The following SLC16A7 variants were observed in gnomAD, a reference collection of about 807,000 sequenced individuals.
The protein encoded by SLC16A7 is monocarboxylate transporter 2.
In SLC16A7, 33 loss-of-function variants were observed where a neutral mutation model predicts 34.9. The observed-to-expected ratio is 0.94, with a 90% confidence interval of 0.72 to 1.26. The LOEUF (loss-of-function observed/expected upper bound fraction) is 1.26, where lower values mean the gene tolerates loss of function less well. SLC16A7 is among the 50% of genes most tolerant of loss of function. The pLI is 0.00. For synonymous variants in SLC16A7, 201 were observed against 206.6 expected (o/e 0.97, Z 0.23); for missense variants, 573 against 578.1 (o/e 0.99, Z 0.09).
At chr12:59,777,019 A>G (rs1882825218) in intron 5 of SLC16A7, among the ~76,000 whole-genome samples, 1 of 152,194 alleles carries the variant, frequency 6.6e-6, no homozygotes, top group Non-Finnish European at 1.5e-5. Context: ...GTTACCATGC[A>G]TGAGGGGATG....
chr12:59,690,802 A>G (rs550031486), intron 2 of SLC16A7, among the ~76,000 whole-genome samples: 3 of 152,130 alleles, frequency 2.0e-5, no homozygotes, highest in African/African-American at 7.2e-5. Context: ...AGTAATCCTT[A>G]TGCTAAAGAG....
intron 3 of SLC16A7, among the ~76,000 whole-genome samples, chr12:59,762,451 G>A (rs1295380246): frequency 6.6e-6 from 1 of 152,032 alleles, no homozygotes; most frequent in Non-Finnish European, 1.5e-5. Context: ...AAGCTGTGCT[G>A]TTGCTTGTGT....
intron 3 of SLC16A7, among the ~76,000 whole-genome samples, chr12:59,737,886 G>A (rs866029558): frequency 7.5e-4 from 114 of 152,268 alleles, no homozygotes; most frequent in African/African-American, 2.4e-3. Flanking sequence ...ATCAGCTTGC[G>A]CCTGTAGGTC....
rs145021260 is a variant in SLC16A7 at position 59,603,482 on chromosome 12, C to G, written c.-130+7246C>G. 9.8e-3 allele frequency among the ~76,000 whole-genome samples: 1,487 copies of G among 152,256 alleles called. 23 individuals carry two copies. The highest frequency in any genetic ancestry group is 0.035 in the African/African-American group (1,436 of 41,534). On this transcript the variant is annotated intron_variant, in intron 1 of 5. Transcript: ENST00000547379. ...GCTGTTCTTTTATCTTGAAATGAAT[C>G]TAACGTCCTACGATTTCTAGCTCTA...
chr12:59,644,213 T>C lies in SLC16A7; in HGVS notation c.-129-10939T>C, dbSNP rs186553609. ...ATACAAACAAAGCAAAGCAAAACTA[T>C]GTGAAACTTTGCCGGATGTTAACGA... On this transcript the variant is annotated intron_variant, in intron 1 of 5. Coordinates refer to ENST00000547379, the MANE Select transcript of SLC16A7 (RefSeq NM_001270623.2). 4.7e-4 allele frequency among the ~76,000 whole-genome samples: 71 copies of C among 152,240 alleles called. No individual in the cohort carries two copies. The East Asian group carries it at 0.011, about 24-fold the overall frequency.
At chr12:59,633,803 A>T (rs1411374578) in intron 1 of SLC16A7, among the ~76,000 whole-genome samples, 1 of 151,918 alleles carries the variant, frequency 6.6e-6, no homozygotes, top group Non-Finnish European at 1.5e-5. Context: ...AAACCATCAG[A>T]TCTCCTGAAA....
chr12:59,710,865 C>T (rs565553071), intron 3 of SLC16A7, among the ~76,000 whole-genome samples: 3 of 152,306 alleles, frequency 2.0e-5, no homozygotes, highest in African/African-American at 7.2e-5. Context: ...AGCAGAGACA[C>T]CAATGTCTTC....
chr12:59,642,482 T>C (rs1725383014), intron 1 of SLC16A7, among the ~76,000 whole-genome samples: 1 of 152,084 alleles, frequency 6.6e-6, no homozygotes, highest in South Asian at 2.1e-4. Flanking sequence ...GGATTTTATG[T>C]GTTAATCTTT....
intron 3 of SLC16A7, among the ~76,000 whole-genome samples, chr12:59,716,209 T>C (rs1373644962): frequency 6.6e-6 from 1 of 152,196 alleles, no homozygotes; most frequent in Non-Finnish European, 1.5e-5. Context: ...GGTTTCCTGC[T>C]TTGGCCTTGC....
rs570142458 is a variant in SLC16A7, at chr12:59,786,371, T to A, written c.*6692T>A. ...ATGCATCTAAAATAAATGTTTTGAG[T>A]TAGACTCAGTTTATATAGCTTCCTC... On this transcript the variant is annotated 3_prime_UTR_variant, in exon 6 of 6. Coordinates refer to ENST00000547379, the MANE Select transcript of SLC16A7 (RefSeq NM_001270623.2). The A allele has an allele frequency of 2.0e-5, 3 of 152,186 alleles. No individual in the cohort carries two copies. Among genetic ancestry groups the A allele is most frequent in the Non-Finnish European group, 4.4e-5 (3 of 67,980 alleles). 9.4% of individuals were successfully genotyped at this position (152,186 alleles called of 1,614,324 possible).
intron 2 of SLC16A7, among the ~76,000 whole-genome samples, chr12:59,697,014 G>A (rs1369531082): frequency 2.6e-5 from 4 of 151,792 alleles, no homozygotes; most frequent in Non-Finnish European, 5.9e-5. Context: ...GAGAAAAAAC[G>A]CTTAATCATA....
intron 2 of SLC16A7, among the ~76,000 whole-genome samples, chr12:59,675,094 C>T (rs1248863929): frequency 6.6e-6 from 1 of 152,208 alleles, no homozygotes; most frequent in Non-Finnish European, 1.5e-5. Context: ...TTTGTTTCTT[C>T]ATAGCATGGT....
Position 59,671,837 on chromosome 12 carries a change from A to G in SLC16A7, c.-31+16587A>G, listed in dbSNP as rs138682611. Among the ~76,000 whole-genome samples the G allele has an allele frequency of 7.3e-4, 95 of 130,898 alleles. 6 individuals are homozygous for G. The highest frequency in any genetic ancestry group is 1.0e-3 in the Non-Finnish European group (65 of 62,490). The allele number at this position is 130,898 out of a possible 152,430, so 85.9% of individuals were successfully genotyped here. ...TATATATGTGTATATGTATATATGT[A>G]TATATGTGTATATATATGTGTATAT... is the stretch of plus-strand genomic sequence containing the variant. On this transcript the variant is annotated intron_variant, in intron 2 of 5. Coordinates refer to ENST00000547379, the MANE Select transcript of SLC16A7 (RefSeq NM_001270623.2).
chr12:59,740,470 A>C (rs557088753), intron 3 of SLC16A7, among the ~76,000 whole-genome samples: 79 of 152,296 alleles, frequency 5.2e-4, no homozygotes, highest in African/African-American at 1.7e-3. Context: ...GTTTGAAGTC[A>C]GGTAGCAGAT....
chr12:59,661,182 G>T (rs1038929208), intron 2 of SLC16A7, among the ~76,000 whole-genome samples: 4 of 152,050 alleles, frequency 2.6e-5, no homozygotes, highest in African/African-American at 9.7e-5. Context: ...GCATGCCATT[G>T]TCTGCATTTG....
At chr12:59,754,958 C>T (rs1285810916) in intron 3 of SLC16A7, among the ~76,000 whole-genome samples, 3 of 152,140 alleles carry the variant, frequency 2.0e-5, no homozygotes, top group East Asian at 3.9e-4. Flanking sequence ...TCAATATACG[C>T]AAACCAATAA....
intron 2 of SLC16A7, among the ~76,000 whole-genome samples, chr12:59,692,774 T>C (rs567281805): frequency 3.9e-5 from 6 of 152,178 alleles, no homozygotes; most frequent in Middle Eastern, 3.4e-3. Context: ...TTTTGTGGTC[T>C]ATGAGCTATT....
At chr12:59,679,670 A>G (rs1156844431) in intron 2 of SLC16A7, among the ~76,000 whole-genome samples, 1 of 152,188 alleles carries the variant, frequency 6.6e-6, no homozygotes, top group African/African-American at 2.4e-5. Flanking sequence ...TAGATCAGAA[A>G]CTATATCTTA....
intron 1 of SLC16A7, among the ~76,000 whole-genome samples, chr12:59,629,326 G>T (rs1267732625): frequency 6.6e-6 from 1 of 151,772 alleles, no homozygotes. Flanking sequence ...CTCAATTTCT[G>T]CCATATACAG....
Sources: allele counts gnomAD v4.1 joint callset (sites outside exome capture counted in the v4.1 genomes callset), GRCh38; gene constraint gnomAD v4.1.1; transcripts MANE v1.5; gene names NCBI Gene and HGNC (gene_info 2026-07-23, HGNC 2026-07-21).